Variants in SH3PXD2A observed in about 807,000 individuals in gnomAD.
The protein encoded by SH3PXD2A is SH3 and PX domain-containing protein 2A.
Under a neutral mutation model 115.2 loss-of-function variants are expected in SH3PXD2A, and 32 were observed. That is an observed-to-expected ratio of 0.28 (90% CI 0.21 to 0.37). The LOEUF (loss-of-function observed/expected upper bound fraction) is 0.37, where lower values mean the gene tolerates loss of function less well. Ranked by LOEUF, SH3PXD2A falls within the 10% of genes least tolerant of loss-of-function variation. The probability of loss-of-function intolerance (pLI) is 1.00; values close to 1 mark genes in which losing one functional copy is unlikely to be tolerated. For missense variants in SH3PXD2A, 1,328 were observed against 1,498.7 expected (o/e 0.89, Z 1.88); for synonymous variants, 610 against 629.1 (o/e 0.97, Z 0.45).
At chr10:103,644,837 G>A (rs567329371) in intron 8 of SH3PXD2A, among the ~76,000 whole-genome samples, 9 of 152,318 alleles carry the variant, frequency 5.9e-5, no homozygotes, top group Non-Finnish European at 7.3e-5. Flanking sequence ...TCATGTTACA[G>A]ATATGGAAAC....
chr10:103,615,843 A>G (rs1203381615), intron 11 of SH3PXD2A, among the ~76,000 whole-genome samples: 1 of 152,046 alleles, frequency 6.6e-6, no homozygotes, highest in African/African-American at 2.4e-5. Flanking sequence ...TGGCTTTCCC[A>G]TGTTCAACTC....
chr10:103,803,427 C>T (rs537809250), intron 1 of SH3PXD2A, among the ~76,000 whole-genome samples: 25 of 152,286 alleles, frequency 1.6e-4, no homozygotes, highest in South Asian at 8.3e-4. Context: ...GTTTAAGCAA[C>T]TAAATGTAAC....
chr10:103,733,983 C>G (rs2038352952), intron 4 of SH3PXD2A, among the ~76,000 whole-genome samples: 1 of 152,024 alleles, frequency 6.6e-6, no homozygotes, highest in Admixed American at 6.6e-5. Context: ...TCTCAAACTC[C>G]TGGCCTCAAG....
intron 5 of SH3PXD2A, among the ~76,000 whole-genome samples, chr10:103,699,197 G>C (rs1188428788): frequency 6.6e-6 from 1 of 152,140 alleles, no homozygotes; most frequent in African/African-American, 2.4e-5. Flanking sequence ...CCCCCTCAGG[G>C]GCTGGTGACC....
At chr10:103,794,167 T>TGGG in intron 2 of SH3PXD2A, among the ~76,000 whole-genome samples, 1 of 152,112 alleles carries the variant, frequency 6.6e-6, no homozygotes, top group South Asian at 2.1e-4. Context: ...GGAAAGTGAG[T>TGGG]GTGACCCCAG....
At chr10:103,804,910 G>A (rs764743127) in intron 1 of SH3PXD2A, among the ~76,000 whole-genome samples, 1 of 152,058 alleles carries the variant, frequency 6.6e-6, no homozygotes, top group South Asian at 2.1e-4. Context: ...CCTCCCACCT[G>A]CATCTCTGCT....
chr10:103,781,605 A>T (rs1008014879), intron 2 of SH3PXD2A, among the ~76,000 whole-genome samples: 5 of 152,232 alleles, frequency 3.3e-5, no homozygotes, highest in South Asian at 2.1e-4. Flanking sequence ...GGCAATAGAA[A>T]ATGTAGATTC....
intron 7 of SH3PXD2A, among the ~76,000 whole-genome samples, chr10:103,662,698 C>T (rs1001883558): frequency 6.6e-5 from 10 of 152,078 alleles, no homozygotes; most frequent in Admixed American, 6.5e-5. Flanking sequence ...CGCGCCCGGC[C>T]TATGATGTGC....
chr10:103,793,597 C>G (rs973601515), intron 2 of SH3PXD2A, among the ~76,000 whole-genome samples: 1 of 152,214 alleles, frequency 6.6e-6, no homozygotes, highest in African/African-American at 2.4e-5. Context: ...CTGATGTTCT[C>G]CTCTGTCTAA....
In SH3PXD2A at chr10:103,855,319, CCGGG is replaced by C; in HGVS notation, c.-57_-54del. On this transcript the variant is annotated 5_prime_UTR_variant, in exon 1 of 15. Transcript: ENST00000369774. ...CGGCGGCGTCACCTTCTCATCCCGG[CCGGG>C]CTCCGGCTCCTTCTCCAGCTGCCGG... 7.1e-7 allele frequency: 1 copy of C among 1,399,586 alleles called. No individual in the cohort carries two copies. The highest frequency in any genetic ancestry group is 9.6e-7 in the Non-Finnish European group (1 of 1,037,368). The allele number at this position is 1,399,586 out of a possible 1,614,324, so 86.7% of individuals were successfully genotyped here.
At position 103,628,486 on chromosome 10, in the gene SH3PXD2A, C is replaced by T. The variant is rs529155973; in HGVS notation, c.605-1284G>A. 1.9e-4 allele frequency among the ~76,000 whole-genome samples: 29 copies of T among 152,150 alleles called. No individual in the cohort carries two copies. The South Asian group carries it at 5.4e-3, about 28-fold the overall frequency. ...CCTCAGTTGGGTCACTGCCCTTTTA[C>T]GGTCTCGGTGTCCTCCTATCTGGAG... On this transcript the variant is annotated intron_variant, in intron 8 of 14. Coordinates refer to ENST00000369774, the MANE Select transcript of SH3PXD2A (RefSeq NM_001394015.1).
chr10:103,712,573 A>C (rs940187968), intron 5 of SH3PXD2A, among the ~76,000 whole-genome samples: 2 of 152,238 alleles, frequency 1.3e-5, no homozygotes, highest in Non-Finnish European at 2.9e-5. Context: ...GGGTCTCAAC[A>C]GGCTGCCCTG....
intron 5 of SH3PXD2A, among the ~76,000 whole-genome samples, chr10:103,716,230 G>A (rs568631250): frequency 6.5e-4 from 99 of 152,228 alleles, no homozygotes; most frequent in African/African-American, 2.4e-3. Flanking sequence ...CAGGCCTCCC[G>A]CAGGATGGCC....
intron 6 of SH3PXD2A, among the ~76,000 whole-genome samples, chr10:103,682,472 C>T (rs1162105644): frequency 3.9e-5 from 6 of 152,148 alleles, no homozygotes; most frequent in African/African-American, 1.4e-4. Context: ...AACACCAGCC[C>T]AGAGGCTGGC....
At chr10:103,804,723 G>A (rs189412023) in intron 1 of SH3PXD2A, among the ~76,000 whole-genome samples, 5 of 151,678 alleles carry the variant, frequency 3.3e-5, no homozygotes, top group South Asian at 4.2e-4. Context: ...GAACAAAGGC[G>A]CCTTCTAAGA....
chr10:103,649,742 G>T (rs1337475169), intron 8 of SH3PXD2A, among the ~76,000 whole-genome samples: 1 of 152,252 alleles, frequency 6.6e-6, no homozygotes, highest in African/African-American at 2.4e-5. Flanking sequence ...GCTGGGGCCT[G>T]TGAGAATGCC....
chr10:103,802,343 T>G (rs2039155398), intron 1 of SH3PXD2A, among the ~76,000 whole-genome samples: 1 of 152,320 alleles, frequency 6.6e-6, no homozygotes, highest in African/African-American at 2.4e-5. Flanking sequence ...AGAAACGGAT[T>G]TGAAGAAGAG....
intron 9 of SH3PXD2A, among the ~76,000 whole-genome samples, chr10:103,625,518 G>A (rs777054974): frequency 6.6e-6 from 1 of 152,238 alleles, no homozygotes; most frequent in Non-Finnish European, 1.5e-5. Flanking sequence ...GTGGGGGCAA[G>A]GGCATTTCAG....
chr10:103,809,220 G>A (rs1254338852), intron 1 of SH3PXD2A, among the ~76,000 whole-genome samples: 1 of 152,152 alleles, frequency 6.6e-6, no homozygotes, highest in East Asian at 1.9e-4. Context: ...TTAGAAGCCT[G>A]GATGTAGTGG....
Sources: gnomAD v4.1 joint callset for allele counts (sites outside exome capture counted in the v4.1 genomes callset) on GRCh38, gnomAD v4.1.1 for gene constraint, MANE v1.5 for transcripts, NCBI Gene and HGNC (gene_info 2026-07-23, HGNC 2026-07-21) for gene names.